UBASH3B: variants seen among roughly 807,000 people sequenced by gnomAD.
The protein encoded by UBASH3B is ubiquitin associated and SH3 domain containing B.
A neutral mutation model predicts 83.4 loss-of-function variants in UBASH3B; 37 were observed. That is an observed-to-expected ratio of 0.44 (90% CI 0.34 to 0.58). UBASH3B has a LOEUF of 0.58. Ranked by LOEUF, UBASH3B falls within the 20% of genes least tolerant of loss-of-function variation. The pLI is 0.01. For synonymous variants in UBASH3B, 304 were observed against 318.3 expected (o/e 0.96, Z 0.48); for missense variants, 657 against 827.2 (o/e 0.79, Z 2.52).
At chr11:122,691,301 C>G (rs2135919857) in intron 1 of UBASH3B, among the ~76,000 whole-genome samples, 1 of 152,334 alleles carries the variant, frequency 6.6e-6, no homozygotes, top group South Asian at 2.1e-4. Flanking sequence ...TCTTTCCTCT[C>G]AAATTTTATA....
intron 1 of UBASH3B, among the ~76,000 whole-genome samples, chr11:122,743,586 A>G (rs60065428): frequency 0.048 from 7,344 of 152,238 alleles, 293 homozygotes; most frequent in African/African-American, 0.11. Context: ...TGGGTATACT[A>G]TTAGCCTCAT....
chr11:122,699,664 C>G (rs561468064), intron 1 of UBASH3B, among the ~76,000 whole-genome samples: 27 of 151,932 alleles, frequency 1.8e-4, no homozygotes, highest in African/African-American at 6.3e-4. Context: ...GTTACTGCAA[C>G]CTCCGCCTCC....
intron 1 of UBASH3B, among the ~76,000 whole-genome samples, chr11:122,734,597 A>G (rs1443471825): frequency 6.6e-6 from 1 of 152,174 alleles, no homozygotes; most frequent in Non-Finnish European, 1.5e-5. Flanking sequence ...CTTCACAAGC[A>G]AGCCTCACTC....
At chr11:122,762,576 C>T (rs565799711) in intron 1 of UBASH3B, among the ~76,000 whole-genome samples, 5 of 152,342 alleles carry the variant, frequency 3.3e-5, no homozygotes, top group Non-Finnish European at 4.4e-5. Context: ...TCATTGACTC[C>T]CCACTTTCTT....
chr11:122,735,015 T>C (rs927919841), intron 1 of UBASH3B, among the ~76,000 whole-genome samples: 1 of 152,186 alleles, frequency 6.6e-6, no homozygotes, highest in Non-Finnish European at 1.5e-5. Context: ...GAGTGAACTT[T>C]TCCCCTTTTT....
At chr11:122,762,049 C>A (rs925430153) in intron 1 of UBASH3B, among the ~76,000 whole-genome samples, 5 of 152,042 alleles carry the variant, frequency 3.3e-5, no homozygotes, top group African/African-American at 1.2e-4. Context: ...ACCTCCACCT[C>A]CCAAAGTGTT....
At chr11:122,722,437 A>AAC (rs1357189499) in intron 1 of UBASH3B, among the ~76,000 whole-genome samples, 1 of 151,920 alleles carries the variant, frequency 6.6e-6, no homozygotes, top group African/African-American at 2.4e-5. Flanking sequence ...TCTGCCAGAT[A>AAC]CTGAGAGAGA....
chr11:122,770,638 CTT>C (rs1335725933), intron 1 of UBASH3B, among the ~76,000 whole-genome samples: 3 of 152,188 alleles, frequency 2.0e-5, no homozygotes, highest in African/African-American at 7.2e-5. Context: ...GGTTGTGTCT[CTT>C]TAATGATACC....
chr11:122,794,935 C>T, intron 7 of UBASH3B, 101 bp downstream of exon 7: 1 of 1,519,018 alleles, frequency 6.6e-7, no homozygotes, highest in South Asian at 1.2e-5. Flanking sequence ...TCCAAAGCTT[C>T]CACGATCTCT....
intron 1 of UBASH3B, among the ~76,000 whole-genome samples, chr11:122,725,383 G>T (rs561798962): frequency 1.3e-5 from 2 of 148,930 alleles, no homozygotes; most frequent in Non-Finnish European, 3.0e-5. Flanking sequence ...TGAGTACCTC[G>T]CCCTTGTTAA....
intron 1 of UBASH3B, among the ~76,000 whole-genome samples, chr11:122,664,242 C>T (rs1863484702): frequency 6.6e-6 from 1 of 152,098 alleles, no homozygotes; most frequent in South Asian, 2.1e-4. Flanking sequence ...AAGCTGCTGA[C>T]TATAATAAAT....
chr11:122,742,264 G>A (rs935622029), intron 1 of UBASH3B, among the ~76,000 whole-genome samples: 2 of 152,180 alleles, frequency 1.3e-5, no homozygotes, highest in South Asian at 4.1e-4. Flanking sequence ...GGACAGTATT[G>A]CAGACAGGAG....
At chr11:122,657,000 GC>G (rs1242650070) in intron 1 of UBASH3B, among the ~76,000 whole-genome samples, 3 of 152,194 alleles carry the variant, frequency 2.0e-5, no homozygotes, top group Admixed American at 1.3e-4. Flanking sequence ...GCATAGGGTG[GC>G]GGCGGCCGGA....
At chr11:122,727,997 C>CATTATT (rs60967984) in intron 1 of UBASH3B, among the ~76,000 whole-genome samples, 51,728 of 149,820 alleles carry the variant, frequency 0.35, 9,245 homozygotes, top group East Asian at 0.52. Context: ...CCCATCTTAT[C>CATTATT]ATTATTATTA....
At chr11:122,785,007 C>T (rs1371447875) in intron 5 of UBASH3B, among the ~76,000 whole-genome samples, 2 of 152,096 alleles carry the variant, frequency 1.3e-5, no homozygotes, top group African/African-American at 4.8e-5. Flanking sequence ...TCAAGGGTTG[C>T]GTGCAGATGG....
chr11:122,777,305 C>T (rs2135141530), intron 3 of UBASH3B, 95 bp downstream of exon 3: 1 of 1,346,534 alleles, frequency 7.4e-7, no homozygotes, highest in Non-Finnish European at 1.0e-6. Flanking sequence ...CGCAGGAAGA[C>T]AGCAGGAATA....
Position 122,655,735 on chromosome 11 carries a change from G to T in UBASH3B, c.-315G>T. ...CAAAAATTACTCATTGCAAATTCCCGGACTGCTAGGCGAGGAGAGGGAAGG... is the reference window on the plus strand; with the variant it reads ...CAAAAATTACTCATTGCAAATTCCCTGACTGCTAGGCGAGGAGAGGGAAGG... On this transcript the variant is annotated 5_prime_UTR_variant, in exon 1 of 14. Coordinates refer to ENST00000284273, the MANE Select transcript of UBASH3B (RefSeq NM_032873.5). 1 of 304,522 alleles carries T rather than the reference G, an allele frequency of 3.3e-6. No homozygotes were observed. The highest frequency in any genetic ancestry group is 6.0e-6 in the Non-Finnish European group (1 of 165,586). The allele number at this position is 304,522 out of a possible 1,614,324, so 18.9% of individuals were successfully genotyped here.
At chr11:122,734,242 A>G (rs1860895845) in intron 1 of UBASH3B, among the ~76,000 whole-genome samples, 1 of 152,194 alleles carries the variant, frequency 6.6e-6, no homozygotes, top group African/African-American at 2.4e-5. Flanking sequence ...GGTTTTCATG[A>G]GCACAGAAAA....
At chr11:122,680,067 G>A (rs1460589657) in intron 1 of UBASH3B, among the ~76,000 whole-genome samples, 1 of 152,180 alleles carries the variant, frequency 6.6e-6, no homozygotes, top group Non-Finnish European at 1.5e-5. Flanking sequence ...CTGACCTCAA[G>A]TGATCCATCC....
Sources: allele counts gnomAD v4.1 joint callset (sites outside exome capture counted in the v4.1 genomes callset), GRCh38; gene constraint gnomAD v4.1.1; transcripts MANE v1.5; gene names NCBI Gene and HGNC (gene_info 2026-07-23, HGNC 2026-07-21).